USP34: variants seen among roughly 807,000 people sequenced by gnomAD.
The protein encoded by USP34 is ubiquitin specific peptidase 34, also known as ubiquitin carboxyl-terminal hydrolase 34.
A neutral mutation model predicts 460.3 loss-of-function variants in USP34; 70 were observed. That is an observed-to-expected ratio of 0.15 (90% CI 0.13 to 0.19). USP34 has a LOEUF of 0.19. Ranked by LOEUF, USP34 falls within the 10% of genes least tolerant of loss-of-function variation. The probability of loss-of-function intolerance (pLI) is 1.00; values close to 1 mark genes in which losing one functional copy is unlikely to be tolerated. For missense variants in USP34, 3,985 were observed against 4,236.2 expected, an observed-to-expected ratio of 0.94 and a Z score of 1.65; for synonymous variants, 1,647 against 1,405.3, an observed-to-expected ratio of 1.17 and a Z score of -3.85.
At chr2:61,188,790 T>G (rs1686530121) in intron 79 of USP34, 81 bp from the exon 80 acceptor site, 22 of 1,567,222 alleles carry the variant, frequency 1.4e-5, no homozygotes, top group Non-Finnish European at 1.8e-5. Context: ...AAGTTAATTT[T>G]GTTTCTAGCA....
intron 10 of USP34, among the ~76,000 whole-genome samples, chr2:61,356,475 G>GCACACACACACACACA (rs70963416): frequency 1.6e-5 from 2 of 128,426 alleles, no homozygotes; most frequent in African/African-American, 5.4e-5. Context: ...GGGTGAAAGC[G>GCACACACACACACACA]CACACACACA....
chr2:61,387,856 A>AT (rs1693210423), intron 5 of USP34, among the ~76,000 whole-genome samples: 1 of 147,644 alleles, frequency 6.8e-6, no homozygotes, highest in Non-Finnish European at 1.5e-5. Flanking sequence ...CACATGTAAA[A>AT]ATATATATTT....
At chr2:61,197,937 T>C (rs1008541685) in intron 75 of USP34, among the ~76,000 whole-genome samples, 1 of 152,146 alleles carries the variant, frequency 6.6e-6, no homozygotes, top group Non-Finnish European at 1.5e-5. Flanking sequence ...ATTTTTGTAT[T>C]TTTAATAGAG....
chr2:61,347,804 G>C (rs1313426167), intron 15 of USP34, 66 bp downstream of exon 15: 4 of 1,560,860 alleles, frequency 2.6e-6, no homozygotes, highest in East Asian at 2.3e-5. Flanking sequence ...ATTGCAAATT[G>C]AATATAGGAT....
At chr2:61,413,124 G>A (rs939200898) in intron 2 of USP34, among the ~76,000 whole-genome samples, 4 of 152,070 alleles carry the variant, frequency 2.6e-5, no homozygotes, top group Admixed American at 6.5e-5. Flanking sequence ...GGCCGGGCGC[G>A]GTGGCTCATG....
chr2:61,222,703 T>G, intron 64 of USP34, 40 bp from the exon 65 acceptor site: 1 of 1,594,198 alleles, frequency 6.3e-7, no homozygotes, highest in Non-Finnish European at 8.6e-7. Flanking sequence ...ATTCTTGTTT[T>G]GTTTTGTTTT....
At chr2:61,289,235 C>T (rs1035285162) in intron 33 of USP34, among the ~76,000 whole-genome samples, 11 of 151,962 alleles carry the variant, frequency 7.2e-5, no homozygotes, top group Admixed American at 1.3e-4. Flanking sequence ...AAGGATATTA[C>T]TTATCAATAA....
chr2:61,373,080 T>A (rs964814977), intron 8 of USP34, among the ~76,000 whole-genome samples: 4 of 152,186 alleles, frequency 2.6e-5, no homozygotes, highest in Non-Finnish European at 5.9e-5. Context: ...AGGAGCCATG[T>A]TTTTTATCTT....
intron 32 of USP34, among the ~76,000 whole-genome samples, chr2:61,294,130 G>A (rs1340539236): frequency 6.6e-6 from 1 of 152,096 alleles, no homozygotes; most frequent in Non-Finnish European, 1.5e-5. Context: ...TGGATCACGA[G>A]GTCAGCAGAT....
At position 61,470,734 on chromosome 2, in the gene USP34, C is replaced by G; in HGVS notation, c.-42G>C. The G allele has an allele frequency of 6.4e-7, 1 of 1,555,008 alleles. No homozygotes were observed. Among genetic ancestry groups the G allele is most frequent in the East Asian group, 2.5e-5 (1 of 40,200 alleles). On this transcript the variant is annotated 5_prime_UTR_variant, in exon 1 of 80. Coordinates refer to ENST00000398571, the MANE Select transcript of USP34 (RefSeq NM_014709.4). ...CCCCCCTCCCCCGCTTCGGATCACA[C>G]TGACTGATCCCGACCGGCGGGGGGG...
In USP34 at chr2:61,190,597, A is replaced by C. The variant is rs751908221; in HGVS notation, c.9650T>G (p.Ile3217Ser). ...TCTTTCATCCATTAGGATACATTTA[A>C]TATATTCTGCGAAAACAGGATCTTC... ...LCEDPVFAEYIKCILMDERTF... is the reference protein window; with the variant it reads ...LCEDPVFAEYSKCILMDERTF... Residue 3217 changes from isoleucine (I) to serine (S), a missense_variant, in exon 77 of 80, where the codon ATT becomes AGT. This residue lies in a region of USP34 where 506 missense variants were observed against 439.0 expected (regional missense o/e 1.15). Coordinates refer to ENST00000398571, the MANE Select transcript of USP34 (RefSeq NM_014709.4). 4 of 1,614,002 alleles carry C rather than the reference A, an allele frequency of 2.5e-6. No individual in the cohort carries two copies. The highest frequency in any genetic ancestry group is 3.4e-6 in the Non-Finnish European group (4 of 1,179,994).
chr2:61,315,622 G>A (rs1558526072), intron 23 of USP34, among the ~76,000 whole-genome samples: 1 of 151,806 alleles, frequency 6.6e-6, no homozygotes. Context: ...TGATCCACCC[G>A]CCTCAGCCTC....
At chr2:61,240,379 C>T (rs1462035811) in intron 53 of USP34, among the ~76,000 whole-genome samples, 1 of 151,690 alleles carries the variant, frequency 6.6e-6, no homozygotes. Flanking sequence ...CCCAGGTTCA[C>T]GCCATTCTCC....
intron 8 of USP34, among the ~76,000 whole-genome samples, chr2:61,373,871 G>A (rs982470159): frequency 6.6e-6 from 1 of 152,110 alleles, no homozygotes; most frequent in African/African-American, 2.4e-5. Flanking sequence ...AGAAAATGGC[G>A]TGGCCAAGTA....
intron 5 of USP34, among the ~76,000 whole-genome samples, chr2:61,387,792 G>A (rs1475775047): frequency 7.0e-6 from 1 of 142,480 alleles, no homozygotes; most frequent in East Asian, 2.0e-4. Context: ...ATACACACAT[G>A]TAAAAATATA....
intron 1 of USP34, among the ~76,000 whole-genome samples, chr2:61,442,729 C>A (rs1694999319): frequency 6.6e-6 from 1 of 152,128 alleles, no homozygotes; most frequent in African/African-American, 2.4e-5. Flanking sequence ...AACACGACTA[C>A]CATATAATCC....
chr2:61,223,432 T>C, intron 62 of USP34, 136 bp from the exon 63 acceptor site: 1 of 869,040 alleles, frequency 1.2e-6, no homozygotes, highest in East Asian at 2.7e-5. Context: ...TTTTGCTAGC[T>C]ACATTTGCTT....
At chr2:61,241,877 T>A in intron 51 of USP34, 58 bp from the exon 52 acceptor site, 2 of 881,432 alleles carry the variant, frequency 2.3e-6, no homozygotes, top group South Asian at 3.9e-5. Flanking sequence ...TCAGCTATAT[T>A]TATATATAAA....
chr2:61,300,092 G>C (rs999267833), intron 29 of USP34, among the ~76,000 whole-genome samples: 22 of 152,098 alleles, frequency 1.4e-4, no homozygotes, highest in Non-Finnish European at 2.6e-4. Context: ...TCCTGGACTC[G>C]TATATCAAAT....
Sources: allele counts gnomAD v4.1 joint callset (sites outside exome capture counted in the v4.1 genomes callset), GRCh38; gene constraint gnomAD v4.1.1; regional missense constraint gnomAD v4.1.1; transcripts MANE v1.5; gene names NCBI Gene and HGNC (gene_info 2026-07-23, HGNC 2026-07-21).